Variants in NAA11 observed in about 807,000 individuals in gnomAD.
The protein encoded by NAA11 is N-alpha-acetyltransferase 11, NatA catalytic subunit, also known as N-alpha-acetyltransferase 11.
A neutral mutation model predicts 16.1 loss-of-function variants in NAA11; 15 were observed. The ratio of observed to expected loss-of-function variants is 0.93; its 90% confidence interval spans 0.62 to 1.44. The LOEUF (loss-of-function observed/expected upper bound fraction) is 1.44. Among genes scored for constraint, NAA11 ranks in the 40% most tolerant of loss-of-function variants. The probability of loss-of-function intolerance (pLI) is 0.00; values close to 1 mark genes in which losing one functional copy is unlikely to be tolerated. For synonymous variants in NAA11, 122 were observed against 112.4 expected, an observed-to-expected ratio of 1.09 and a Z score of -0.54; for missense variants, 298 against 291.3, an observed-to-expected ratio of 1.02 and a Z score of -0.17.
At chr4:79,185,135 T>C in the NAA11 span, among the ~76,000 whole-genome samples, 1 of 152,148 alleles carries the variant, frequency 6.6e-6, no homozygotes, top group Admixed American at 6.5e-5. Context: ...TTTTATTCAT[T>C]GTAGGTTCTT....
chr4:79,186,220 C>T, the NAA11 span, among the ~76,000 whole-genome samples: 1 of 152,136 alleles, frequency 6.6e-6, no homozygotes, highest in East Asian at 1.9e-4. Context: ...TTTTAAAAGG[C>T]TATGAATATA....
intron 2 of NAA11, among the ~76,000 whole-genome samples, chr4:79,277,700 G>A (rs1249573679): frequency 6.6e-6 from 1 of 151,858 alleles, no homozygotes; most frequent in Non-Finnish European, 1.5e-5. Flanking sequence ...GCTCTGCCCT[G>A]ACTCCCGCCA....
the NAA11 span, among the ~76,000 whole-genome samples, chr4:79,186,889 C>T: frequency 6.6e-6 from 1 of 151,980 alleles, no homozygotes; most frequent in Non-Finnish European, 1.5e-5. Context: ...CTGAGAAGCA[C>T]GATGAACACA....
At chr4:79,319,759 AT>A (rs1357451927) in intron 1 of NAA11, among the ~76,000 whole-genome samples, 8 of 152,190 alleles carry the variant, frequency 5.3e-5, no homozygotes, top group Admixed American at 4.6e-4. Context: ...GTGCAGTTGC[AT>A]TTGAAATCTA....
At chr4:79,181,332 C>T in the NAA11 span, among the ~76,000 whole-genome samples, 11 of 151,994 alleles carry the variant, frequency 7.2e-5, no homozygotes, top group Admixed American at 3.9e-4. Flanking sequence ...CGTTCTTGCT[C>T]ACATCCCATG....
chr4:79,180,131 G>A, the NAA11 span, among the ~76,000 whole-genome samples: 1 of 152,136 alleles, frequency 6.6e-6, no homozygotes, highest in Non-Finnish European at 1.5e-5. Flanking sequence ...GGGACAGAAA[G>A]CCTAACTATA....
chr4:79,263,409 T>C (rs574646255), intron 2 of NAA11, among the ~76,000 whole-genome samples: 4 of 151,780 alleles, frequency 2.6e-5, no homozygotes, highest in Admixed American at 2.0e-4. Context: ...GCTCTGGGAG[T>C]TCCTGAACAG....
At chr4:79,227,169 C>G (rs1158029446) in intron 2 of NAA11, 1 of 152,076 alleles carries the variant, frequency 6.6e-6, no homozygotes, top group African/African-American at 2.4e-5. Context: ...TTGCATTTCT[C>G]TGATGGCCAG....
At chr4:79,169,353 C>T in the NAA11 span, among the ~76,000 whole-genome samples, 1 of 152,126 alleles carries the variant, frequency 6.6e-6, no homozygotes, top group Non-Finnish European at 1.5e-5. Flanking sequence ...TGACCTCAAA[C>T]TATACTACAA....
the NAA11 span, among the ~76,000 whole-genome samples, chr4:79,159,454 GT>G: frequency 6.6e-6 from 1 of 152,166 alleles, no homozygotes; most frequent in Non-Finnish European, 1.5e-5. Context: ...CTTGGATGCA[GT>G]GAAAAAGGAC....
At chr4:79,205,635 C>T in the NAA11 span, among the ~76,000 whole-genome samples, 1 of 151,818 alleles carries the variant, frequency 6.6e-6, no homozygotes, top group Admixed American at 6.6e-5. Context: ...ATTTATTTAT[C>T]TTTGTTTTTG....
At chr4:79,179,936 C>T in the NAA11 span, among the ~76,000 whole-genome samples, 3 of 152,140 alleles carry the variant, frequency 2.0e-5, no homozygotes, top group African/African-American at 7.2e-5. Context: ...TTCACAAGGT[C>T]GCAGGAGGAA....
In NAA11 at chr4:79,319,755, T is replaced by C. The variant is rs113249790; in HGVS notation, c.*13-1964A>G. ...CCCTCTTTATCTTCATAGAGTGCAG[T>C]TGCATTTGAAATCTATGGTTTCTGG... On this transcript the variant is annotated intron_variant, in intron 1 of 1. Coordinates refer to ENST00000286794, the MANE Select transcript of NAA11 (RefSeq NM_032693.3). 1.2e-4 allele frequency among the ~76,000 whole-genome samples: 19 copies of C among 152,346 alleles called. 1 individual carries two copies. Among genetic ancestry groups the C allele is most frequent in the African/African-American group, 3.8e-4 (16 of 41,586 alleles).
chr4:79,250,403 C>T (rs750614162), intron 2 of NAA11, among the ~76,000 whole-genome samples: 36 of 152,178 alleles, frequency 2.4e-4, no homozygotes, highest in Middle Eastern at 3.2e-3. Context: ...GACTGGAGAC[C>T]GCCTGAGATG....
intron 2 of NAA11, among the ~76,000 whole-genome samples, chr4:79,266,221 A>G (rs886222705): frequency 2.0e-5 from 3 of 152,170 alleles, no homozygotes; most frequent in African/African-American, 7.2e-5. Context: ...GAAGGAATCC[A>G]TTATGATCGG....
intron 2 of NAA11, among the ~76,000 whole-genome samples, chr4:79,231,711 A>G (rs1721470519): frequency 6.6e-6 from 1 of 151,910 alleles, no homozygotes; most frequent in Non-Finnish European, 1.5e-5. Flanking sequence ...GACAAAACAT[A>G]TAATTTATAT....
intron 1 of NAA11, among the ~76,000 whole-genome samples, chr4:79,320,394 T>G (rs1357986104): frequency 1.3e-5 from 2 of 152,204 alleles, no homozygotes; most frequent in Non-Finnish European, 2.9e-5. Flanking sequence ...ATTTATTGAT[T>G]ATTTTACTGT....
At chr4:79,282,568 T>C (rs1418267276) in intron 2 of NAA11, among the ~76,000 whole-genome samples, 1 of 152,044 alleles carries the variant, frequency 6.6e-6, no homozygotes, top group Non-Finnish European at 1.5e-5. Context: ...AGATAGATTG[T>C]GATATATTGA....
chr4:79,210,035 G>C, the NAA11 span, among the ~76,000 whole-genome samples: 1 of 152,044 alleles, frequency 6.6e-6, no homozygotes, highest in Non-Finnish European at 1.5e-5. Context: ...GACAGAACAA[G>C]ACTTGTTCTG....
Sources: gnomAD v4.1 joint callset for allele counts (sites outside exome capture counted in the v4.1 genomes callset) on GRCh38, gnomAD v4.1.1 for gene constraint, MANE v1.5 for transcripts, NCBI Gene and HGNC (gene_info 2026-07-23, HGNC 2026-07-21) for gene names.